DHRS3: variants seen among roughly 807,000 people sequenced by gnomAD.
DHRS3 encodes the protein dehydrogenase/reductase 3.
Under a neutral mutation model 27.2 loss-of-function variants are expected in DHRS3, and 14 were observed. That is an observed-to-expected ratio of 0.52 (90% confidence interval 0.34 to 0.81). The LOEUF (loss-of-function observed/expected upper bound fraction) is 0.81, where lower values mean the gene tolerates loss of function less well. DHRS3 is among the 30% of genes least tolerant of loss of function. The pLI, the probability that DHRS3 is intolerant of heterozygous loss-of-function variation, is 0.01. For synonymous variants in DHRS3, 165 were observed against 175.9 expected, an observed-to-expected ratio of 0.94 and a Z score of 0.49; for missense variants, 322 against 406.2, an observed-to-expected ratio of 0.79 and a Z score of 1.78.
intron 1 of DHRS3, among the ~76,000 whole-genome samples, chr1:12,612,539 G>C (rs1469237179): frequency 6.6e-6 from 1 of 152,084 alleles, no homozygotes; most frequent in African/African-American, 2.4e-5. Flanking sequence ...AGGCTCAGTC[G>C]AATGCTCCTT....
In DHRS3 at chr1:12,618,051, G is replaced by T. The variant is rs1646957819; in HGVS notation, c.-703C>A. Among the ~76,000 whole-genome samples, 2 of 152,102 alleles carry T rather than the reference G, an allele frequency of 1.3e-5. No homozygotes were observed. Among genetic ancestry groups the T allele is most frequent in the Middle Eastern group, 3.4e-3 (1 of 294 alleles). ...TTACGTGCAGCGCTCGCCCTCGCGC[G>T]CGCTCGCTCGCTCCGGCTCCCTCCC... On this transcript the variant is annotated 5_prime_UTR_variant, in exon 1 of 6. Transcript: ENST00000616661. This position sits in a 1 kb window ranked among gnomAD's most constrained non-coding sequence, Gnocchi z 4.2.
chr1:12,568,846 G>A (rs994803988), intron 5 of DHRS3, among the ~76,000 whole-genome samples: 5 of 152,182 alleles, frequency 3.3e-5, no homozygotes, highest in Middle Eastern at 3.2e-3. Flanking sequence ...AGGATGGCTT[G>A]AACCCAAGAG....
rs1026588486 is a variant in DHRS3, at chr1:12,579,459, G to A, written c.340-47C>T. On this transcript the variant is annotated intron_variant, in intron 2 of 5. Coordinates refer to ENST00000616661, the MANE Select transcript of DHRS3 (RefSeq NM_004753.7). Reference sequence around the variant, plus strand: ...GGGGCCATGAGGGCAGCCAGCCCAGGGCCAACGATATATGTTTTTTGTTTG... The same window carrying A: ...GGGGCCATGAGGGCAGCCAGCCCAGAGCCAACGATATATGTTTTTTGTTTG... The A allele has an allele frequency of 5.0e-6, 8 of 1,601,634 alleles. No homozygotes were observed. The African/African-American group carries it at 9.4e-5, about 19-fold the overall frequency.
intron 5 of DHRS3, among the ~76,000 whole-genome samples, chr1:12,569,571 A>G (rs1307382027): frequency 6.6e-6 from 1 of 151,938 alleles, no homozygotes; most frequent in East Asian, 1.9e-4. Flanking sequence ...TTTTATGTTT[A>G]TTATATTTTT....
rs1463242061 is a variant in DHRS3 at position 12,617,141 on chromosome 1, C to T, written c.195+13G>A. ...TGCGGCCCCCCACTCCCTGGAGTCG[C>T]AGTGCCTGGTACCTTTCTGGCGCCG... On this transcript the variant is annotated intron_variant, in intron 1 of 5. Coordinates refer to ENST00000616661, the MANE Select transcript of DHRS3 (RefSeq NM_004753.7). The T allele has an allele frequency of 6.2e-7, 1 of 1,606,584 alleles. No individual in the cohort carries two copies. Among genetic ancestry groups the T allele is most frequent in the African/African-American group, 1.3e-5 (1 of 74,754 alleles).
intron 1 of DHRS3, among the ~76,000 whole-genome samples, chr1:12,595,556 T>G (rs1570386927): frequency 2.9e-5 from 4 of 139,376 alleles, no homozygotes; most frequent in Admixed American, 1.4e-4. Context: ...GAGGCTGGGG[T>G]CCTGGGTGCA....
intron 1 of DHRS3, among the ~76,000 whole-genome samples, chr1:12,610,603 T>C (rs1162784348): frequency 6.6e-6 from 1 of 152,158 alleles, no homozygotes; most frequent in African/African-American, 2.4e-5. Flanking sequence ...CCCGGCACTT[T>C]CTTGTTGAGA....
chr1:12,568,425 C>A lies in DHRS3; in HGVS notation c.825-1G>T. The A allele has an allele frequency of 6.2e-7, 1 of 1,613,186 alleles. No individual in the cohort carries two copies. Among genetic ancestry groups the A allele is most frequent in the Non-Finnish European group, 8.5e-7 (1 of 1,179,244 alleles). On this transcript the variant is annotated splice_acceptor_variant, in intron 5 of 5. Transcript: ENST00000616661. LOFTEE classifies it high-confidence loss of function. The stretch of plus-strand genomic sequence containing the variant: ...CTCGAGTGCAGCCTGTGGAAGTATG[C>A]TGGAGTAGGAGGAAGAAAAGAAGAT...
At chr1:12,614,547 C>G (rs1646931488) in intron 1 of DHRS3, among the ~76,000 whole-genome samples, 1 of 151,724 alleles carries the variant, frequency 6.6e-6, no homozygotes, top group African/African-American at 2.4e-5. Context: ...TTTGGGCCAC[C>G]TTTGCACCCT....
At chr1:12,606,896 C>G (rs1646875832) in intron 1 of DHRS3, among the ~76,000 whole-genome samples, 1 of 152,146 alleles carries the variant, frequency 6.6e-6, no homozygotes, top group Non-Finnish European at 1.5e-5. Context: ...ATCCTGAAGA[C>G]AAAGCACAAT....
chr1:12,609,533 C>T (rs1332610233), intron 1 of DHRS3, among the ~76,000 whole-genome samples: 1 of 152,150 alleles, frequency 6.6e-6, no homozygotes. Flanking sequence ...CAGCATCCTC[C>T]AAAACTCTAG....
At chr1:12,605,078 CAAA>C (rs36031555) in intron 1 of DHRS3, among the ~76,000 whole-genome samples, 5 of 98,416 alleles carry the variant, frequency 5.1e-5, no homozygotes, top group Admixed American at 1.1e-4. Context: ...AACTCCATCT[CAAA>C]AAAAAAAAAA....
intron 1 of DHRS3, among the ~76,000 whole-genome samples, chr1:12,585,376 AGTGTGTGTCT>A (rs1349299828): frequency 5.1e-5 from 6 of 116,632 alleles, no homozygotes; most frequent in Non-Finnish European, 9.5e-5. Context: ...TCTCTGTGTG[AGTGTGTGTCT>A]GTGTGTGACT....
At chr1:12,581,405 G>A (rs2100663910) in intron 1 of DHRS3, among the ~76,000 whole-genome samples, 1 of 152,268 alleles carries the variant, frequency 6.6e-6, no homozygotes, top group South Asian at 2.1e-4. Flanking sequence ...TAGCATAGAT[G>A]GGACCATTCC....
rs983092949 is a variant in DHRS3 at position 12,585,149 on chromosome 1, G to A, written c.196-4483C>T. ...TGAGAGAGAGTGTGTGTGTGTCTCA[G>A]TGTGTCTCTGTGTGTCTGTGGGTGT... On this transcript the variant is annotated intron_variant, in intron 1 of 5. Coordinates refer to ENST00000616661, the MANE Select transcript of DHRS3 (RefSeq NM_004753.7). Among the ~76,000 whole-genome samples, 10 of 148,950 alleles carry A rather than the reference G, an allele frequency of 6.7e-5. No individual in the cohort carries two copies. In the South Asian group the frequency reaches 1.1e-3, roughly 16 times the overall value.
Position 12,607,410 on chromosome 1 carries a change from T to C in DHRS3, c.195+9744A>G, listed in dbSNP as rs979958158. ...TGGATCATGGGAGTAGTTTCCTCTA[T>C]GCTGTTCTCATGATAGTGAGGGAGC... On this transcript the variant is annotated intron_variant, in intron 1 of 5. Coordinates refer to ENST00000616661, the MANE Select transcript of DHRS3 (RefSeq NM_004753.7). Among the ~76,000 whole-genome samples the C allele has an allele frequency of 2.2e-4, 33 of 152,218 alleles. 1 individual carries two copies. Among genetic ancestry groups the C allele is most frequent in the African/African-American group, 7.5e-4 (31 of 41,444 alleles).
chr1:12,589,607 G>A (rs1364638788), intron 1 of DHRS3, among the ~76,000 whole-genome samples: 1 of 151,918 alleles, frequency 6.6e-6, no homozygotes, highest in African/African-American at 2.4e-5. Context: ...CCAATATGGT[G>A]AATTACAGGT....
chr1:12,595,247 C>T (rs1646783579), intron 1 of DHRS3, among the ~76,000 whole-genome samples: 1 of 152,206 alleles, frequency 6.6e-6, no homozygotes, highest in Non-Finnish European at 1.5e-5. Context: ...CTGGCCCTGA[C>T]AGCTAACGAG....
chr1:12,580,128 G>A (rs549171209), intron 2 of DHRS3: 2 of 305,996 alleles, frequency 6.5e-6, no homozygotes, highest in Non-Finnish European at 6.4e-6. Context: ...AGTTTACTGC[G>A]ACATAAAAAC....
Sources: allele counts gnomAD v4.1 joint callset (sites outside exome capture counted in the v4.1 genomes callset), GRCh38; gene constraint gnomAD v4.1.1; non-coding constraint Gnocchi (gnomAD v3.1); transcripts MANE v1.5; gene names NCBI Gene and HGNC (gene_info 2026-07-23, HGNC 2026-07-21).